GPC5: variants seen among roughly 807,000 people sequenced by gnomAD.
GPC5 encodes the protein glypican 5, also known as glypican-5.
A neutral mutation model predicts 53.9 loss-of-function variants in GPC5; 47 were observed. That is an observed-to-expected ratio of 0.87 (90% CI 0.69 to 1.11). The LOEUF (loss-of-function observed/expected upper bound fraction) is 1.11. Ranked by LOEUF, GPC5 falls within the 50% of genes most tolerant of loss-of-function variation. The probability of loss-of-function intolerance (pLI) is 0.00; values close to 1 mark genes in which losing one functional copy is unlikely to be tolerated. For synonymous variants in GPC5, 286 were observed against 263.3 expected, an observed-to-expected ratio of 1.09 and a Z score of -0.84; for missense variants, 748 against 713.1, an observed-to-expected ratio of 1.05 and a Z score of -0.56.
chr13:92,023,521 T>C (rs2040775726), intron 6 of GPC5, among the ~76,000 whole-genome samples: 1 of 152,036 alleles, frequency 6.6e-6, no homozygotes, highest in Admixed American at 6.6e-5. Flanking sequence ...TCATTTGCTG[T>C]TATTCTCAGC....
intron 2 of GPC5, among the ~76,000 whole-genome samples, chr13:91,558,227 G>A (rs1029644846): frequency 6.6e-6 from 1 of 152,018 alleles, no homozygotes; most frequent in African/African-American, 2.4e-5. Flanking sequence ...AGTACCATGT[G>A]TATTTGCTCA....
At chr13:92,289,952 T>G (rs899401428) in intron 7 of GPC5, among the ~76,000 whole-genome samples, 1 of 152,180 alleles carries the variant, frequency 6.6e-6, no homozygotes, top group African/African-American at 2.4e-5. Context: ...ATACCAAACC[T>G]TATATTCCTT....
intron 7 of GPC5, among the ~76,000 whole-genome samples, chr13:92,204,322 G>C (rs1296053591): frequency 1.3e-5 from 2 of 152,130 alleles, no homozygotes; most frequent in Non-Finnish European, 2.9e-5. Context: ...CAAATAATTA[G>C]AATACAAGCT....
chr13:92,254,388 T>C (rs546955132), intron 7 of GPC5, among the ~76,000 whole-genome samples: 1 of 152,260 alleles, frequency 6.6e-6, no homozygotes, highest in African/African-American at 2.4e-5. Context: ...CTACATTTAA[T>C]GAAGTTTGTA....
At chr13:92,355,409 C>T (rs1225416548) in intron 7 of GPC5, among the ~76,000 whole-genome samples, 1 of 152,128 alleles carries the variant, frequency 6.6e-6, no homozygotes, top group African/African-American at 2.4e-5. Flanking sequence ...GCTTTATCGC[C>T]CTTGTCTTCC....
rs55867004 is a variant in GPC5, at chr13:92,161,956, CATATATATATATATATAT to C, written c.1561+16990_1561+17007del. On this transcript the variant is annotated intron_variant, in intron 7 of 7. Coordinates refer to ENST00000377067, the MANE Select transcript of GPC5 (RefSeq NM_004466.6). ...ATTTGCCTATTAAGTAATATATAGC[CATATATATATATATATAT>C]ATATATATATATATATATATATGAA... 1.9e-4 allele frequency among the ~76,000 whole-genome samples: 18 copies of C among 96,038 alleles called. 1 individual carries two copies. Among genetic ancestry groups the C allele is most frequent in the South Asian group, 6.1e-4 (2 of 3,264 alleles). 63.0% of individuals were successfully genotyped at this position (96,038 alleles called of 152,430 possible). A position where few individuals can be genotyped will look rare whatever the true frequency, so the allele number is the denominator to read the frequency against.
At chr13:91,492,659 G>T (rs1351983318) in intron 2 of GPC5, among the ~76,000 whole-genome samples, 3 of 152,166 alleles carry the variant, frequency 2.0e-5, no homozygotes, top group African/African-American at 7.2e-5. Context: ...GCTAAAATCT[G>T]CCAGAAATAC....
intron 7 of GPC5, among the ~76,000 whole-genome samples, chr13:92,602,278 G>T (rs982848596): frequency 8.2e-6 from 1 of 121,462 alleles, no homozygotes; most frequent in Admixed American, 8.6e-5. Flanking sequence ...ACACACACAT[G>T]TATTTATGAG....
intron 7 of GPC5, among the ~76,000 whole-genome samples, chr13:92,235,117 T>C (rs1036946599): frequency 6.6e-6 from 1 of 152,144 alleles, no homozygotes; most frequent in Admixed American, 6.6e-5. Flanking sequence ...AGAAGAGATG[T>C]TGAAATTACT....
At chr13:92,457,155 A>G (rs1214401309) in intron 7 of GPC5, among the ~76,000 whole-genome samples, 2 of 152,056 alleles carry the variant, frequency 1.3e-5, no homozygotes, top group African/African-American at 2.4e-5. Flanking sequence ...AGCTGCATCC[A>G]TGTTCTCCAA....
chr13:91,835,770 A>G (rs2138863221), intron 5 of GPC5, among the ~76,000 whole-genome samples: 2 of 152,164 alleles, frequency 1.3e-5, no homozygotes, highest in Middle Eastern at 3.4e-3. Context: ...GAATTAGGAG[A>G]AATACCTAAT....
chr13:91,752,131 G>C (rs9560847), intron 4 of GPC5, among the ~76,000 whole-genome samples: 20,940 of 152,034 alleles, frequency 0.14, 1,672 homozygotes, highest in East Asian at 0.33. Context: ...GTATCTCTTC[G>C]TCTTCTTATA....
intron 5 of GPC5, among the ~76,000 whole-genome samples, chr13:91,823,163 C>T (rs185862239): frequency 5.1e-4 from 78 of 152,052 alleles, no homozygotes; most frequent in African/African-American, 1.9e-3. Flanking sequence ...TGTTTTAAAT[C>T]GCAGAACTAT....
At chr13:92,009,832 C>G (rs145616803) in intron 6 of GPC5, among the ~76,000 whole-genome samples, 3 of 152,260 alleles carry the variant, frequency 2.0e-5, no homozygotes, top group Non-Finnish European at 4.4e-5. Flanking sequence ...TTTATCTTTT[C>G]TCACAGGTCA....
rs117151679 is a variant in GPC5 at position 91,929,798 on chromosome 13, C to G, written c.1401+21741C>G. Among the ~76,000 whole-genome samples, 123 of 133,540 alleles carry G rather than the reference C, an allele frequency of 9.2e-4. 1 individual carries two copies. In the East Asian group the frequency reaches 0.024, roughly 27 times the overall value. 87.6% of individuals were successfully genotyped at this position (133,540 alleles called of 152,430 possible). A position where few individuals can be genotyped will look rare whatever the true frequency, so the allele number is the denominator to read the frequency against. ...ATATTATCATAGATTTCCTTTTTGT[C>G]TCTCAGATTTTCTATTTTTTTTTTA... On this transcript the variant is annotated intron_variant, in intron 6 of 7. Coordinates refer to ENST00000377067, the MANE Select transcript of GPC5 (RefSeq NM_004466.6).
At chr13:92,307,000 T>G (rs1286857031) in intron 7 of GPC5, among the ~76,000 whole-genome samples, 3 of 152,194 alleles carry the variant, frequency 2.0e-5, no homozygotes, top group Admixed American at 2.0e-4. Flanking sequence ...ATACTTCTTT[T>G]TTTCTTCTGG....
Position 92,106,381 on chromosome 13 carries a change from T to A in GPC5, c.1402-38449T>A, listed in dbSNP as rs557806235. Among the ~76,000 whole-genome samples the A allele has an allele frequency of 4.6e-5, 7 of 152,178 alleles. No individual in the cohort carries two copies. In the South Asian group the frequency reaches 1.4e-3, roughly 31 times the overall value. ...ATATAAGAATCTCATTTGAGCTACA[T>A]GTATGAAAATATTTATTTTAATTAT... On this transcript the variant is annotated intron_variant, in intron 6 of 7. Transcript: ENST00000377067.
chr13:92,817,973 G>C (rs908464281), intron 7 of GPC5, among the ~76,000 whole-genome samples: 1 of 150,802 alleles, frequency 6.6e-6, no homozygotes, highest in African/African-American at 2.4e-5. Context: ...TTCCACCTGG[G>C]TAATGGGTAA....
chr13:92,477,020 T>C (rs1196609325), intron 7 of GPC5, among the ~76,000 whole-genome samples: 6 of 149,076 alleles, frequency 4.0e-5, no homozygotes, highest in South Asian at 2.1e-4. Context: ...AATGTGCACA[T>C]GTACCCTAAA....
Sources: allele counts gnomAD v4.1 joint callset (sites outside exome capture counted in the v4.1 genomes callset), GRCh38; gene constraint gnomAD v4.1.1; transcripts MANE v1.5; gene names NCBI Gene and HGNC (gene_info 2026-07-23, HGNC 2026-07-21).